Variants in CPQ observed in about 807,000 individuals in gnomAD.
CPQ encodes carboxypeptidase Q, also known as Ser-Met dipeptidase.
A neutral mutation model predicts 45.7 loss-of-function variants in CPQ; 37 were observed. The ratio of observed to expected loss-of-function variants is 0.81; its 90% CI spans 0.62 to 1.07. The LOEUF (loss-of-function observed/expected upper bound fraction) is 1.07. Among genes scored for constraint, CPQ ranks in the 50% least tolerant of loss-of-function variants. The pLI, the probability that CPQ is intolerant of heterozygous loss-of-function variation, is 0.00. For synonymous variants in CPQ, 186 were observed against 205.8 expected, an observed-to-expected ratio of 0.90 and a Z score of 0.82; for missense variants, 537 against 572.9, an observed-to-expected ratio of 0.94 and a Z score of 0.64.
At chr8:96,708,462 T>G (rs1349561359) in intron 1 of CPQ, among the ~76,000 whole-genome samples, 1 of 151,150 alleles carries the variant, frequency 6.6e-6, no homozygotes, top group Non-Finnish European at 1.5e-5. Flanking sequence ...TATATATACA[T>G]TGTTTGTTGG....
intron 2 of CPQ, among the ~76,000 whole-genome samples, chr8:96,821,734 T>C (rs906401352): frequency 6.6e-6 from 1 of 151,964 alleles, no homozygotes; most frequent in African/African-American, 2.4e-5. Flanking sequence ...AAATTCTCTC[T>C]CCTTTCTTTT....
At chr8:96,816,974 C>A (rs1811236606) in intron 2 of CPQ, among the ~76,000 whole-genome samples, 1 of 152,036 alleles carries the variant, frequency 6.6e-6, no homozygotes, top group Non-Finnish European at 1.5e-5. Flanking sequence ...CTTTTAAAAG[C>A]CCTATGATTT....
In CPQ at chr8:96,717,040, TATATATATATATATATATATATA is replaced by T. The variant is rs1563477639; in HGVS notation, c.-34-67823_-34-67801del. On this transcript the variant is annotated intron_variant, in intron 1 of 7. Coordinates refer to ENST00000220763, the MANE Select transcript of CPQ (RefSeq NM_016134.4). ...CATGATATAAATATATATATATATA[TATATATATATATATATATATATA>T]TATATATATATATACGTATATATAC... Among the ~76,000 whole-genome samples the T allele has an allele frequency of 2.7e-3, 102 of 38,278 alleles. 2 individuals carry two copies. The highest frequency in any genetic ancestry group is 6.3e-3 in the African/African-American group (99 of 15,610). The allele number at this position is 38,278 out of a possible 152,430, so 25.1% of individuals were successfully genotyped here. A position where few individuals can be genotyped will look rare whatever the true frequency, so the allele number is the denominator to read the frequency against.
chr8:96,982,724 A>G (rs1025116677), intron 5 of CPQ, among the ~76,000 whole-genome samples: 6 of 152,230 alleles, frequency 3.9e-5, no homozygotes, highest in African/African-American at 1.4e-4. Flanking sequence ...AGCAGTTAGC[A>G]TGCTTGAACA....
chr8:96,692,282 C>T (rs866832183), intron 1 of CPQ, among the ~76,000 whole-genome samples: 1 of 152,106 alleles, frequency 6.6e-6, no homozygotes, highest in South Asian at 2.1e-4. Flanking sequence ...TGTAATAGAA[C>T]TATTGTGAAT....
intron 5 of CPQ, among the ~76,000 whole-genome samples, chr8:96,989,861 G>T (rs1046725993): frequency 1.3e-5 from 2 of 152,130 alleles, no homozygotes; most frequent in African/African-American, 4.8e-5. Flanking sequence ...CAATATGATT[G>T]TTCATGTGAA....
Position 97,041,716 on chromosome 8 carries a change from G to A in CPQ, c.1053+12222G>A, listed in dbSNP as rs1586509613. Among the ~76,000 whole-genome samples, 6 of 152,232 alleles carry A rather than the reference G, an allele frequency of 3.9e-5. 1 individual carries two copies. Among genetic ancestry groups the A allele is most frequent in the Admixed American group, 3.9e-4 (6 of 15,294 alleles). On this transcript the variant is annotated intron_variant, in intron 6 of 7. Transcript: ENST00000220763. ...TGGAGGGTTGTTGAATTTTGTCAAA[G>A]GCCTTTTCTGCGTCTATTGAGATAA...
At chr8:96,759,452 CAATT>C (rs749053873) in intron 1 of CPQ, among the ~76,000 whole-genome samples, 1 of 152,236 alleles carries the variant, frequency 6.6e-6, no homozygotes, top group Admixed American at 6.5e-5. Flanking sequence ...TTTTTGTACT[CAATT>C]AAGCCCTATT....
At chr8:96,794,828 AC>A (rs1322064055) in intron 2 of CPQ, among the ~76,000 whole-genome samples, 1 of 151,912 alleles carries the variant, frequency 6.6e-6, no homozygotes, top group Non-Finnish European at 1.5e-5. Context: ...AAATGCCACC[AC>A]TCTCTTTGCT....
At chr8:96,680,232 T>G (rs2130728185) in intron 1 of CPQ, among the ~76,000 whole-genome samples, 1 of 152,320 alleles carries the variant, frequency 6.6e-6, no homozygotes, top group East Asian at 1.9e-4. Flanking sequence ...GTTTCCAAAG[T>G]TCCTCTTGTT....
In CPQ at chr8:97,029,495, G is replaced by T; in HGVS notation, c.1053+1G>T. 1 of 1,600,682 alleles carries T rather than the reference G, an allele frequency of 6.2e-7. No homozygotes were observed. On this transcript the variant is annotated splice_donor_variant, in intron 6 of 7. Transcript: ENST00000220763. LOFTEE classifies it high-confidence loss of function. ...CTTCCAGTATTATCAGTTACACAAG[G>T]TAAAAACCCAGCTGTGGATTGCTAA... is the stretch of plus-strand genomic sequence containing the variant.
chr8:97,037,872 C>T (rs899515022), intron 6 of CPQ, among the ~76,000 whole-genome samples: 2 of 152,146 alleles, frequency 1.3e-5, no homozygotes, highest in African/African-American at 4.8e-5. Flanking sequence ...TCATATACCA[C>T]CTTGCGAATA....
chr8:96,673,980 TG>T (rs1038488191), intron 1 of CPQ, among the ~76,000 whole-genome samples: 7 of 1,426 alleles, frequency 4.9e-3, no homozygotes, highest in Non-Finnish European at 0.017. Context: ...AAAGTGGAAG[TG>T]GAGGAGGGGG....
At chr8:96,730,858 C>T (rs1282737156) in intron 1 of CPQ, among the ~76,000 whole-genome samples, 2 of 31,692 alleles carry the variant, frequency 6.3e-5, no homozygotes, top group African/African-American at 1.8e-4. Context: ...ATCAATTAAC[C>T]ATACATACAT....
chr8:96,684,005 T>C (rs940641645), intron 1 of CPQ, among the ~76,000 whole-genome samples: 3 of 152,198 alleles, frequency 2.0e-5, no homozygotes, highest in African/African-American at 7.2e-5. Context: ...TCTGTAATAT[T>C]ATTCTCTGGA....
intron 3 of CPQ, among the ~76,000 whole-genome samples, chr8:96,839,430 C>G (rs531000309): frequency 2.0e-5 from 3 of 152,126 alleles, no homozygotes; most frequent in Non-Finnish European, 2.9e-5. Flanking sequence ...TCAACTGAGA[C>G]CCCCCCATTA....
intron 1 of CPQ, among the ~76,000 whole-genome samples, chr8:96,725,079 A>G (rs1248949732): frequency 1.3e-5 from 2 of 152,182 alleles, no homozygotes; most frequent in Non-Finnish European, 2.9e-5. Flanking sequence ...ACAAAAATTA[A>G]CCAAAAATGG....
Position 96,785,320 on chromosome 8 carries a change from T to A in CPQ, c.423T>A (p.Thr141=). 1 of 1,603,228 alleles carries A rather than the reference T, an allele frequency of 6.2e-7. No homozygotes were observed. Among genetic ancestry groups the A allele is most frequent in the Non-Finnish European group, 8.5e-7 (1 of 1,173,952 alleles). The change falls in exon 2 of 8, where the codon ACT becomes ACA. Residue 141 remains threonine, a synonymous_variant. Transcript: ENST00000220763. The stretch of plus-strand genomic sequence containing the variant: ...TGGGTCTTGGCAGCAGCATTGGGAC[T>A]CCTCCAGAAGGTATTGTTTGTCTTT... ...AILGLGSSIG[T]PPEGITAEVL...
In CPQ at chr8:96,853,443, ATTCT is replaced by A. The variant is rs1811800057; in HGVS notation, c.641+18268_641+18271del. 4.6e-5 allele frequency among the ~76,000 whole-genome samples: 7 copies of A among 152,318 alleles called. No individual in the cohort carries two copies. In the South Asian group the frequency reaches 1.2e-3, roughly 27 times the overall value. ...GCTGTTTGCTTTTGTTTGCAGTCAAATTCTTTCTCTCAACCTTGCACTGTGCTGT... is the reference window on the plus strand; with the variant it reads ...GCTGTTTGCTTTTGTTTGCAGTCAAATTCTCTCAACCTTGCACTGTGCTGT... On this transcript the variant is annotated intron_variant, in intron 3 of 7. Coordinates refer to ENST00000220763, the MANE Select transcript of CPQ (RefSeq NM_016134.4).
Sources: gnomAD v4.1 joint callset for allele counts (sites outside exome capture counted in the v4.1 genomes callset) on GRCh38, gnomAD v4.1.1 for gene constraint, MANE v1.5 for transcripts, NCBI Gene and HGNC (gene_info 2026-07-23, HGNC 2026-07-21) for gene names.